CS: variants seen among roughly 807,000 people sequenced by gnomAD.
CS encodes the protein citrate synthase.
In CS, 13 loss-of-function variants were observed where a neutral mutation model predicts 61.4. The ratio of observed to expected loss-of-function variants is 0.21; its 90% confidence interval spans 0.14 to 0.34. The LOEUF is 0.34. Ranked by LOEUF, CS falls within the 10% of genes least tolerant of loss-of-function variation. CS has a pLI of 1.00. For synonymous variants in CS, 159 were observed against 215.2 expected (o/e 0.74, Z 2.29); for missense variants, 278 against 573.4 (o/e 0.48, Z 5.26).
intron 1 of CS, 105 bp from the exon 2 acceptor site, chr12:56,286,750 C>T (rs1872951908): frequency 1.0e-6 from 1 of 1,001,484 alleles, no homozygotes; most frequent in Non-Finnish European, 1.5e-6. Flanking sequence ...ATCTCAGTCT[C>T]TTAGGGCAGT....
rs1872551144 is a variant in CS at position 56,273,039 on chromosome 12, A to T, written c.*45T>A. ...TGAAACAAAAGTATACTTTTTATTT[A>T]GGCTTCCTCACTTTCTGGTAGTCAC... On this transcript the variant is annotated 3_prime_UTR_variant, in exon 11 of 11. Transcript: ENST00000351328. The T allele has an allele frequency of 2.0e-6, 3 of 1,500,978 alleles. No individual in the cohort carries two copies. The East Asian group carries it at 6.9e-5, about 34-fold the overall frequency. The allele number at this position is 1,500,978 out of a possible 1,614,324, so 93.0% of individuals were successfully genotyped here. A position where few individuals can be genotyped will look rare whatever the true frequency, so the allele number is the denominator to read the frequency against.
intron 4 of CS, among the ~76,000 whole-genome samples, 170 bp downstream of exon 4, chr12:56,283,622 T>C (rs1872842451): frequency 6.6e-6 from 1 of 152,242 alleles, no homozygotes; most frequent in Non-Finnish European, 1.5e-5. Flanking sequence ...CTAGTTGATA[T>C]ATTTAAAAGG....
intron 1 of CS, among the ~76,000 whole-genome samples, chr12:56,295,098 T>TA (rs955063636): frequency 1.3e-5 from 2 of 151,904 alleles, no homozygotes; most frequent in Non-Finnish European, 2.9e-5. Flanking sequence ...AATGAACTTT[T>TA]TTTTTTTTTT....
At position 56,274,761 on chromosome 12, in the gene CS, A is replaced by G; in HGVS notation, c.1020+16T>C. 6.6e-7 allele frequency: 1 copy of G among 1,516,862 alleles called. No homozygotes were observed. Among genetic ancestry groups the G allele is most frequent in the African/African-American group, 1.4e-5 (1 of 71,470 alleles). 94.0% of individuals were successfully genotyped at this position (1,516,862 alleles called of 1,614,324 possible). Reference sequence around the variant, plus strand: ...TGTCTTGGTTTCTTTCCTAGTCGTTAAGCATCTCTGCTTACCCGTCCTGAG... The same window carrying G: ...TGTCTTGGTTTCTTTCCTAGTCGTTGAGCATCTCTGCTTACCCGTCCTGAG... On this transcript the variant is annotated intron_variant, in intron 9 of 10. Coordinates refer to ENST00000351328, the MANE Select transcript of CS (RefSeq NM_004077.3).
chr12:56,281,476 G>C (rs560070206), intron 6 of CS, among the ~76,000 whole-genome samples: 1 of 152,308 alleles, frequency 6.6e-6, no homozygotes, highest in African/African-American at 2.4e-5. Flanking sequence ...AGGTTGGCTA[G>C]CCGAGAACAT....
At position 56,277,811 on chromosome 12, in the gene CS, G is replaced by C. The variant is rs935037605; in HGVS notation, c.589-1616C>G. 3.3e-5 allele frequency among the ~76,000 whole-genome samples: 5 copies of C among 151,758 alleles called. No individual in the cohort carries two copies. The South Asian group carries it at 6.3e-4, about 19-fold the overall frequency. ...TGCCTGGCTTAATTTTGTATTTTTA[G>C]TAGAGGGGGGTTTCACCATGTTGGT... On this transcript the variant is annotated intron_variant, in intron 6 of 10. Transcript: ENST00000351328.
intron 1 of CS, among the ~76,000 whole-genome samples, chr12:56,287,797 G>C (rs1872989221): frequency 6.6e-6 from 1 of 152,102 alleles, no homozygotes; most frequent in Non-Finnish European, 1.5e-5. Context: ...TGGGATTACA[G>C]GCATGCACCA....
At chr12:56,294,595 G>C (rs1412785472) in intron 1 of CS, among the ~76,000 whole-genome samples, 6 of 151,460 alleles carry the variant, frequency 4.0e-5, no homozygotes, top group Non-Finnish European at 8.8e-5. Context: ...TTTTGAGACA[G>C]AGTCTCTGTC....
intron 6 of CS, among the ~76,000 whole-genome samples, chr12:56,280,047 G>C (rs920256479): frequency 6.6e-6 from 1 of 151,894 alleles, no homozygotes; most frequent in Non-Finnish European, 1.5e-5. Flanking sequence ...TGGGGAAGAG[G>C]TGGGCGAATC....
In CS at chr12:56,273,074, G is replaced by C. The variant is rs753151165; in HGVS notation, c.*10C>G. 1.9e-5 allele frequency: 31 copies of C among 1,595,284 alleles called. No homozygotes were observed. In the Admixed American group the frequency reaches 2.7e-4, roughly 14 times the overall value. The stretch of plus-strand genomic sequence containing the variant: ...ACTTTCTGGTAGTCACTTTCACCCA[G>C]TCTCCAGTTTTACCCTGACTTAGAG... On this transcript the variant is annotated 3_prime_UTR_variant, in exon 11 of 11. Coordinates refer to ENST00000351328, the MANE Select transcript of CS (RefSeq NM_004077.3).
chr12:56,284,686 C>T lies in CS; in HGVS notation c.202-829G>A, dbSNP rs183332649. Among the ~76,000 whole-genome samples, 9 of 65,848 alleles carry T rather than the reference C, an allele frequency of 1.4e-4. 1 individual carries two copies. The highest frequency in any genetic ancestry group is 4.8e-4 in the African/African-American group (8 of 16,718). The allele number at this position is 65,848 out of a possible 152,430, so 43.2% of individuals were successfully genotyped here. On this transcript the variant is annotated intron_variant, in intron 3 of 10. Transcript: ENST00000351328. ...GGAGGCCAAGGCGGGCAGATCACGA[C>T]GTCAGGATATCGAGACATCCTGGCC...
In CS at chr12:56,282,486, G is replaced by T. The variant is rs1565621059; in HGVS notation, c.522C>A (p.Ala174=). The change falls in exon 6 of 11, where the codon GCC becomes GCA. Residue 174 remains alanine (A), a synonymous_variant. Transcript: ENST00000351328. ...PMSQLSAAVT[A]LNSESNFARA... ...GGGCAAAGTTACTTTCACTGTTGAG[G>T]GCTGTAACAGCTGCACTGAGCTGAG... is the stretch of plus-strand genomic sequence containing the variant. The T allele has an allele frequency of 6.2e-7, 1 of 1,613,852 alleles. No individual in the cohort carries two copies. Among genetic ancestry groups the T allele is most frequent in the Non-Finnish European group, 8.5e-7 (1 of 1,180,000 alleles).
chr12:56,293,622 C>G (rs1395885439), intron 1 of CS, among the ~76,000 whole-genome samples: 1 of 152,068 alleles, frequency 6.6e-6, no homozygotes. Flanking sequence ...GAGGCTGAGG[C>G]AGAATCGCCT....
At chr12:56,286,569 T>C in intron 2 of CS, 26 bp downstream of exon 2, 1 of 1,612,222 alleles carries the variant, frequency 6.2e-7, no homozygotes, top group East Asian at 2.2e-5. Flanking sequence ...TGATTCTTAT[T>C]CTTAGTCTTC....
chr12:56,273,029 C>G lies in CS; in HGVS notation c.*55G>C. 1 of 1,430,386 alleles carries G rather than the reference C, an allele frequency of 7.0e-7. No individual in the cohort carries two copies. Among genetic ancestry groups the G allele is most frequent in the Non-Finnish European group, 9.5e-7 (1 of 1,051,166 alleles). The allele number at this position is 1,430,386 out of a possible 1,614,324, so 88.6% of individuals were successfully genotyped here. On this transcript the variant is annotated 3_prime_UTR_variant, in exon 11 of 11. Transcript: ENST00000351328. Reference sequence around the variant, plus strand: ...AAAGGCCCCCTGAAACAAAAGTATACTTTTTATTTAGGCTTCCTCACTTTC... The same window carrying G: ...AAAGGCCCCCTGAAACAAAAGTATAGTTTTTATTTAGGCTTCCTCACTTTC...
intron 2 of CS, 81 bp downstream of exon 2, chr12:56,286,514 C>T: frequency 8.7e-7 from 1 of 1,151,926 alleles, no homozygotes; most frequent in Non-Finnish European, 1.3e-6. Context: ...AATAAGAGGC[C>T]AGGTGGTTGC....
chr12:56,292,622 C>T (rs986647997), intron 1 of CS, among the ~76,000 whole-genome samples: 1 of 146,236 alleles, frequency 6.8e-6, no homozygotes, highest in Non-Finnish European at 1.5e-5. Context: ...CGGTGGCTCA[C>T]GCCTGTAATC....
intron 6 of CS, among the ~76,000 whole-genome samples, chr12:56,280,149 C>T (rs1872732807): frequency 6.6e-6 from 1 of 151,962 alleles, no homozygotes; most frequent in South Asian, 2.1e-4. Context: ...GGCGTGGTGG[C>T]TTAAGCCTGT....
At chr12:56,299,817 C>T (rs777882054) in intron 1 of CS, 1 of 290,562 alleles carries the variant, frequency 3.4e-6, no homozygotes, top group Non-Finnish European at 6.6e-6. Flanking sequence ...CACCACATCT[C>T]TAGTCTCTAC....
Sources: allele counts gnomAD v4.1 joint callset (sites outside exome capture counted in the v4.1 genomes callset), GRCh38; gene constraint gnomAD v4.1.1; transcripts MANE v1.5; gene names NCBI Gene and HGNC (gene_info 2026-07-23, HGNC 2026-07-21).